The following ADAM10 variants were observed in gnomAD, a reference collection of about 807,000 sequenced individuals.
ADAM10 encodes ADAM metallopeptidase domain 10, also known as disintegrin and metalloproteinase domain-containing protein 10.
Under a neutral mutation model 90.1 loss-of-function variants are expected in ADAM10, and 17 were observed. That is an observed-to-expected ratio of 0.19 (90% CI 0.13 to 0.28). ADAM10 has a LOEUF of 0.28. Among genes scored for constraint, ADAM10 ranks in the 10% least tolerant of loss-of-function variants. ADAM10 has a pLI of 1.00. For missense variants in ADAM10, 610 were observed against 914.3 expected, an observed-to-expected ratio of 0.67 and a Z score of 4.29; for synonymous variants, 310 against 298.6, an observed-to-expected ratio of 1.04 and a Z score of -0.40.
intron 4 of ADAM10, 27 bp from the exon 5 acceptor site, chr15:58,665,224 A>C: frequency 6.8e-7 from 1 of 1,475,386 alleles, no homozygotes; most frequent in Non-Finnish European, 9.5e-7. Flanking sequence ...AAACGTCATT[A>C]CTATCACACA....
At chr15:58,744,041 G>C (rs1899706412) in intron 1 of ADAM10, among the ~76,000 whole-genome samples, 1 of 152,232 alleles carries the variant, frequency 6.6e-6, no homozygotes, top group South Asian at 2.1e-4. Context: ...TCTAGGACAC[G>C]ATCTATCTGC....
chr15:58,744,092 T>C (rs1595674377), intron 1 of ADAM10, among the ~76,000 whole-genome samples: 1 of 152,178 alleles, frequency 6.6e-6, no homozygotes, highest in African/African-American at 2.4e-5. Context: ...ACCTGCCTGG[T>C]TATTCATCAG....
Position 58,591,437 on chromosome 15 carries a change from T to G in ADAM10, c.*6110A>C, listed in dbSNP as rs1226715250. The G allele has an allele frequency of 6.6e-6, 1 of 152,192 alleles. No individual in the cohort carries two copies. Among genetic ancestry groups the G allele is most frequent in the Non-Finnish European group, 1.5e-5 (1 of 68,042 alleles). The allele number at this position is 152,192 out of a possible 1,614,324, so 9.4% of individuals were successfully genotyped here. On this transcript the variant is annotated 3_prime_UTR_variant, in exon 16 of 16. Coordinates refer to ENST00000260408, the MANE Select transcript of ADAM10 (RefSeq NM_001110.4). ...TTGATTCACATTTAAAACACTTTTT[T>G]TTTTTCTTTGAGATGGAGTCTCACT...
At chr15:58,693,055 G>T (rs1351119556) in intron 2 of ADAM10, 2 of 753,216 alleles carry the variant, frequency 2.7e-6, no homozygotes, top group African/African-American at 3.4e-5. Flanking sequence ...TAAGGCATCA[G>T]AAGCATTAGA....
At chr15:58,610,881 G>T in intron 13 of ADAM10, 118 bp downstream of exon 13, 3 of 786,504 alleles carry the variant, frequency 3.8e-6, no homozygotes, top group South Asian at 2.8e-5. Context: ...TCCTCAAGAG[G>T]ACAGATTTAG....
intron 1 of ADAM10, 96 bp downstream of exon 1, chr15:58,749,384 T>C (rs1459573518): frequency 1.6e-6 from 2 of 1,268,066 alleles, no homozygotes; most frequent in African/African-American, 3.2e-5. Flanking sequence ...CTGGGCTGAC[T>C]GACGCGCACG....
In ADAM10 at chr15:58,717,860, C is replaced by T. The variant is rs186865061; in HGVS notation, c.56-133G>A. 2.1e-5 allele frequency: 28 copies of T among 1,306,614 alleles called. No homozygotes were observed. The East Asian group carries it at 3.8e-4, about 18-fold the overall frequency. 80.9% of individuals were successfully genotyped at this position (1,306,614 alleles called of 1,614,324 possible). A position where few individuals can be genotyped will look rare whatever the true frequency, so the allele number is the denominator to read the frequency against. ...AATCCCAGCACTATTATGAATTCTG[C>T]ATTAATATTAACACATATATTATTA... is the stretch of plus-strand genomic sequence containing the variant. On this transcript the variant is annotated intron_variant, in intron 1 of 15. Transcript: ENST00000260408.
chr15:58,636,532 T>C (rs1225284306), intron 8 of ADAM10, among the ~76,000 whole-genome samples: 1 of 152,204 alleles, frequency 6.6e-6, no homozygotes, highest in Non-Finnish European at 1.5e-5. Flanking sequence ...CATATATTTA[T>C]CACTGACAAA....
intron 14 of ADAM10, among the ~76,000 whole-genome samples, chr15:58,608,506 C>T (rs189051748): frequency 8.7e-4 from 133 of 152,286 alleles, no homozygotes; most frequent in Non-Finnish European, 1.5e-3. Flanking sequence ...TAGCGGTACT[C>T]TTCACACATT....
At chr15:58,734,468 C>T (rs996894864) in intron 1 of ADAM10, among the ~76,000 whole-genome samples, 5 of 152,116 alleles carry the variant, frequency 3.3e-5, no homozygotes, top group Non-Finnish European at 7.3e-5. Context: ...CAAGGTAAGT[C>T]ACCATATTTC....
intron 2 of ADAM10, chr15:58,691,757 A>C: frequency 3.0e-6 from 1 of 329,290 alleles, no homozygotes; most frequent in South Asian, 2.3e-5. Context: ...ATCTTGGCTC[A>C]CTGCAACTTC....
chr15:58,737,496 A>T (rs146052354), intron 1 of ADAM10, among the ~76,000 whole-genome samples: 1 of 152,166 alleles, frequency 6.6e-6, no homozygotes, highest in Non-Finnish European at 1.5e-5. Flanking sequence ...CCCTCAACTG[A>T]TAACTACTAT....
At chr15:58,600,961 T>C (rs1292161889) in intron 14 of ADAM10, among the ~76,000 whole-genome samples, 1 of 152,154 alleles carries the variant, frequency 6.6e-6, no homozygotes, top group Non-Finnish European at 1.5e-5. Context: ...TCCAGCAGTG[T>C]TTATATAATT....
chr15:58,744,544 C>T (rs1206519628), intron 1 of ADAM10, among the ~76,000 whole-genome samples: 2 of 152,040 alleles, frequency 1.3e-5, no homozygotes. Flanking sequence ...ACTACCAGGC[C>T]ATTTCAGTCA....
chr15:58,713,067 T>G (rs1344665800), intron 2 of ADAM10, among the ~76,000 whole-genome samples: 4 of 152,170 alleles, frequency 2.6e-5, no homozygotes, highest in African/African-American at 9.7e-5. Context: ...AGAAAATCTG[T>G]TTCCTAGTAT....
chr15:58,676,957 A>G (rs1434510542), intron 4 of ADAM10, among the ~76,000 whole-genome samples: 1 of 152,256 alleles, frequency 6.6e-6, no homozygotes, highest in Non-Finnish European at 1.5e-5. Context: ...AAAGCCAAAA[A>G]TATTTACTCT....
At chr15:58,666,223 C>T (rs1281869111) in intron 4 of ADAM10, among the ~76,000 whole-genome samples, 10 of 149,982 alleles carry the variant, frequency 6.7e-5, no homozygotes, top group African/African-American at 2.4e-4. Context: ...ATTATAATTA[C>T]ACCACTGCAT....
Position 58,691,274 on chromosome 15 carries a change from C to CA in ADAM10, c.207-8961dup, listed in dbSNP as rs776464681. On this transcript the variant is annotated intron_variant, in intron 2 of 15. Coordinates refer to ENST00000260408, the MANE Select transcript of ADAM10 (RefSeq NM_001110.4). ...TCTCCTCCTCATCCTCAGGTAGCTC[C>CA]AGACCCTCCTTGGTAACTGACAGCA... The CA allele has an allele frequency of 4.8e-6, 6 of 1,238,460 alleles. No homozygotes were observed. The African/African-American group carries it at 8.9e-5, about 18-fold the overall frequency. 76.7% of individuals were successfully genotyped at this position (1,238,460 alleles called of 1,614,324 possible). A position where few individuals can be genotyped will look rare whatever the true frequency, so the allele number is the denominator to read the frequency against.
At chr15:58,738,366 T>C (rs751919614) in intron 1 of ADAM10, among the ~76,000 whole-genome samples, 4 of 152,202 alleles carry the variant, frequency 2.6e-5, no homozygotes, top group Non-Finnish European at 5.9e-5. Flanking sequence ...GGAACTATCA[T>C]GCCCTATATT....
Sources: gnomAD v4.1 joint callset for allele counts (sites outside exome capture counted in the v4.1 genomes callset) on GRCh38, gnomAD v4.1.1 for gene constraint, MANE v1.5 for transcripts, NCBI Gene and HGNC (gene_info 2026-07-23, HGNC 2026-07-21) for gene names.